WRN: variants seen among roughly 807,000 people sequenced by gnomAD.
WRN encodes WRN RecQ like helicase.
A neutral mutation model predicts 180.7 loss-of-function variants in WRN; 149 were observed. That is an observed-to-expected ratio of 0.82 (90% CI 0.72 to 0.94). The LOEUF is 0.94. WRN is among the 40% of genes least tolerant of loss of function. The pLI is 0.00. For synonymous variants in WRN, 548 were observed against 568.9 expected, an observed-to-expected ratio of 0.96 and a Z score of 0.52; for missense variants, 1,661 against 1,700.1, an observed-to-expected ratio of 0.98 and a Z score of 0.40.
rs906224040 is a variant in WRN, at chr8:31,090,942, A to C, written c.1829A>C (p.Lys610Thr). The C allele has an allele frequency of 1.2e-6, 2 of 1,607,984 alleles. No homozygotes were observed. The highest frequency in any genetic ancestry group is 2.7e-5 in the African/African-American group (2 of 74,734). Residue 610 changes from lysine to threonine, a missense_variant and splice_region_variant, in exon 15 of 35, where the codon AAA (lysine) becomes ACA (threonine). This residue lies in a region of WRN where 1,141 missense variants were observed against 1,149.4 expected (regional missense o/e 0.99). Coordinates refer to ENST00000298139, the MANE Select transcript of WRN (RefSeq NM_000553.6). ...ATGGAAGACCAAGTGCTACAGCTTAAGTAAGTCATGTTATCATTGCCACAA... is the reference window on the plus strand; with the variant it reads ...ATGGAAGACCAAGTGCTACAGCTTACGTAAGTCATGTTATCATTGCCACAA... ...SLMEDQVLQLKMSNIPACFLG... is the reference protein window; with the variant it reads ...SLMEDQVLQLTMSNIPACFLG...
intron 17 of WRN, among the ~76,000 whole-genome samples, chr8:31,098,730 G>A (rs1814091268): frequency 6.6e-6 from 1 of 152,080 alleles, no homozygotes; most frequent in Non-Finnish European, 1.5e-5. Flanking sequence ...ATTTTTAACA[G>A]AAACAGCAAA....
chr8:31,117,666 AC>A (rs1801573373), intron 20 of WRN, among the ~76,000 whole-genome samples: 1 of 152,030 alleles, frequency 6.6e-6, no homozygotes, highest in Non-Finnish European at 1.5e-5. Flanking sequence ...TTTCTGTCCC[AC>A]CGGTCATCCA....
At chr8:31,091,552 A>G (rs542432101) in intron 15 of WRN, among the ~76,000 whole-genome samples, 5 of 152,150 alleles carry the variant, frequency 3.3e-5, no homozygotes, top group African/African-American at 1.2e-4. Flanking sequence ...GTACAAACAT[A>G]CAGTTAGAAG....
At chr8:31,043,297 A>G (rs1281303013) in intron 1 of WRN, among the ~76,000 whole-genome samples, 1 of 152,210 alleles carries the variant, frequency 6.6e-6, no homozygotes, top group East Asian at 1.9e-4. Flanking sequence ...CTTGGAAGCA[A>G]TAATTATGGC....
chr8:31,120,898 C>T (rs1400398709), intron 21 of WRN, among the ~76,000 whole-genome samples: 1 of 151,932 alleles, frequency 6.6e-6, no homozygotes, highest in Non-Finnish European at 1.5e-5. Flanking sequence ...ACTCTTGTTA[C>T]TATTTGTTTT....
At chr8:31,131,008 G>T (rs1418161626) in intron 23 of WRN, among the ~76,000 whole-genome samples, 3 of 151,568 alleles carry the variant, frequency 2.0e-5, no homozygotes, top group African/African-American at 7.3e-5. Context: ...ACATATTATT[G>T]GCCATTTAGT....
At chr8:31,156,668 A>T (rs1416915429) in intron 32 of WRN, among the ~76,000 whole-genome samples, 1 of 152,238 alleles carries the variant, frequency 6.6e-6, no homozygotes, top group Non-Finnish European at 1.5e-5. Context: ...GAAATAAGTT[A>T]GAGCTGAGTG....
At chr8:31,165,921 G>A (rs982213274) in intron 33 of WRN, among the ~76,000 whole-genome samples, 2 of 152,088 alleles carry the variant, frequency 1.3e-5, no homozygotes, top group Admixed American at 1.3e-4. Context: ...TGATCATCAC[G>A]TTGCTGATTT....
chr8:31,111,501 T>C lies in WRN; in HGVS notation c.2089-114T>C, dbSNP rs1801313324. 3.0e-6 allele frequency: 4 copies of C among 1,325,378 alleles called. 1 individual carries two copies. The African/African-American group carries it at 4.4e-5, about 15-fold the overall frequency. 82.1% of individuals were successfully genotyped at this position (1,325,378 alleles called of 1,614,324 possible). The stretch of plus-strand genomic sequence containing the variant: ...TGCAAAAAAATTTTACAGTTGTGTC[T>C]TTAACATTGTACCACAAACTGTTGT... On this transcript the variant is annotated intron_variant, in intron 18 of 34. Transcript: ENST00000298139.
chr8:31,046,152 G>A (rs1343389676), intron 1 of WRN, among the ~76,000 whole-genome samples: 1 of 152,096 alleles, frequency 6.6e-6, no homozygotes, highest in African/African-American at 2.4e-5. Flanking sequence ...ATAAAAATGA[G>A]ATAGGATAAT....
chr8:31,043,736 A>T (rs552768135), intron 1 of WRN, among the ~76,000 whole-genome samples: 1 of 152,136 alleles, frequency 6.6e-6, no homozygotes, highest in Middle Eastern at 3.4e-3. Context: ...GGGAGGGGGG[A>T]TCATGCTTAC....
chr8:31,102,960 T>C lies in WRN; in HGVS notation c.2088+2005T>C, dbSNP rs147032271. Among the ~76,000 whole-genome samples the C allele has an allele frequency of 7.8e-3, 1,186 of 152,290 alleles. 10 individuals are homozygous for C. The highest frequency in any genetic ancestry group is 0.026 in the South Asian group (127 of 4,824). On this transcript the variant is annotated intron_variant, in intron 18 of 34. Transcript: ENST00000298139. The stretch of plus-strand genomic sequence containing the variant: ...CATTGTACAGCTGTACAAAAATTTT[T>C]TCTTCCTTGATTAATGCATTCCATA...
chr8:31,036,814 T>C (rs1293779858), intron 1 of WRN, among the ~76,000 whole-genome samples: 1 of 152,226 alleles, frequency 6.6e-6, no homozygotes, highest in Non-Finnish European at 1.5e-5. Flanking sequence ...GTAGATTCTG[T>C]CTTCAGTCTG....
intron 31 of WRN, among the ~76,000 whole-genome samples, chr8:31,153,204 A>T (rs953473016): frequency 3.9e-5 from 6 of 152,170 alleles, no homozygotes; most frequent in African/African-American, 1.4e-4. Flanking sequence ...ACTGATATTT[A>T]TACACACATA....
chr8:31,149,190 G>A (rs1188953884), intron 30 of WRN, among the ~76,000 whole-genome samples: 1 of 151,978 alleles, frequency 6.6e-6, no homozygotes, highest in East Asian at 2.0e-4. Flanking sequence ...GAGGTTAGGA[G>A]ATCGAGGCCA....
intron 31 of WRN, among the ~76,000 whole-genome samples, chr8:31,153,864 C>A (rs561598692): frequency 6.6e-6 from 1 of 152,146 alleles, no homozygotes; most frequent in Non-Finnish European, 1.5e-5. Flanking sequence ...TATAGTAGAA[C>A]ACATGATAAA....
intron 21 of WRN, among the ~76,000 whole-genome samples, chr8:31,120,779 C>G (rs11574315): frequency 6.6e-6 from 1 of 151,900 alleles, no homozygotes; most frequent in Non-Finnish European, 1.5e-5. Context: ...TGTCAAGTTG[C>G]GATGTCTTCA....
intron 14 of WRN, 40 bp downstream of exon 14, chr8:31,090,572 T>C: frequency 3.8e-6 from 6 of 1,574,322 alleles, no homozygotes; most frequent in Non-Finnish European, 5.2e-6. Context: ...TTTAAAAAAA[T>C]AAAACATAAA....
chr8:31,058,385 AT>A lies in WRN; in HGVS notation c.-61del. 7.2e-7 allele frequency: 1 copy of A among 1,384,630 alleles called. No homozygotes were observed. The highest frequency in any genetic ancestry group is 1.0e-6 in the Non-Finnish European group (1 of 982,450). 85.8% of individuals were successfully genotyped at this position (1,384,630 alleles called of 1,614,324 possible). ...ACTACCTCTCAGTTTTCTTTCAGAT[AT>A]TGTTTTGTATTTACCCATGAAGACA... is the stretch of plus-strand genomic sequence containing the variant. On this transcript the variant is annotated 5_prime_UTR_variant, in exon 2 of 35. It adds an upstream start codon to the 5' untranslated region. Coordinates refer to ENST00000298139, the MANE Select transcript of WRN (RefSeq NM_000553.6).
Sources: gnomAD v4.1 joint callset for allele counts (sites outside exome capture counted in the v4.1 genomes callset) on GRCh38, gnomAD v4.1.1 for gene constraint, gnomAD v4.1.1 regional missense constraint, MANE v1.5 for transcripts, NCBI Gene and HGNC (gene_info 2026-07-23, HGNC 2026-07-21) for gene names.